Variants in KIF26B observed in about 807,000 individuals in gnomAD.
KIF26B encodes kinesin-like protein KIF26B.
In KIF26B, 63 loss-of-function variants were observed where a neutral mutation model predicts 151.2. That is an observed-to-expected ratio of 0.42 (90% CI 0.34 to 0.51). The LOEUF is 0.51. Ranked by LOEUF, KIF26B falls within the 20% of genes least tolerant of loss-of-function variation. The pLI, the probability that KIF26B is intolerant of heterozygous loss-of-function variation, is 0.07. For synonymous variants in KIF26B, 1,357 were observed against 1,262.1 expected (o/e 1.08, Z -1.59); for missense variants, 2,813 against 2,913.6 (o/e 0.97, Z 0.79).
chr1:245,658,626 A>C (rs553921831), intron 10 of KIF26B, among the ~76,000 whole-genome samples: 1 of 152,242 alleles, frequency 6.6e-6, no homozygotes, highest in Non-Finnish European at 1.5e-5. Flanking sequence ...TCCTGAGCTC[A>C]AGCAATCCTC....
intron 2 of KIF26B, among the ~76,000 whole-genome samples, chr1:245,229,093 A>G (rs1040492664): frequency 6.6e-6 from 1 of 151,998 alleles, no homozygotes; most frequent in Non-Finnish European, 1.5e-5. Context: ...CAGCCTCCCT[A>G]GTAGGTCAGA....
chr1:245,386,713 A>G (rs1465739472), intron 3 of KIF26B, among the ~76,000 whole-genome samples: 1 of 152,246 alleles, frequency 6.6e-6, no homozygotes, highest in Non-Finnish European at 1.5e-5. Context: ...AAGATATGCA[A>G]TGAACAACTT....
intron 2 of KIF26B, among the ~76,000 whole-genome samples, chr1:245,169,868 C>T (rs981737879): frequency 2.0e-5 from 3 of 152,108 alleles, no homozygotes; most frequent in Non-Finnish European, 4.4e-5. Flanking sequence ...CAGGGTCACC[C>T]AGAAAACCTC....
At chr1:245,486,659 C>T (rs1014875578) in intron 4 of KIF26B, among the ~76,000 whole-genome samples, 1 of 152,100 alleles carries the variant, frequency 6.6e-6, no homozygotes, top group Non-Finnish European at 1.5e-5. Flanking sequence ...ATTTATTTTA[C>T]ATTTTTTATT....
chr1:245,618,585 C>T (rs2043619895), intron 9 of KIF26B, among the ~76,000 whole-genome samples: 1 of 149,226 alleles, frequency 6.7e-6, no homozygotes. Flanking sequence ...TGAGCTTGTC[C>T]AAGCCCTATT....
At chr1:245,236,132 G>C (rs1396960756) in intron 2 of KIF26B, among the ~76,000 whole-genome samples, 1 of 152,086 alleles carries the variant, frequency 6.6e-6, no homozygotes, top group African/African-American at 2.4e-5. Context: ...GTTTCACCAT[G>C]CTGGTCAGGC....
intron 2 of KIF26B, among the ~76,000 whole-genome samples, chr1:245,278,768 A>G (rs2102966742): frequency 6.6e-6 from 1 of 152,290 alleles, no homozygotes; most frequent in African/African-American, 2.4e-5. Context: ...TGGGCTCATT[A>G]GTTCCAGCCC....
intron 2 of KIF26B, among the ~76,000 whole-genome samples, chr1:245,350,162 G>T (rs778555364): frequency 3.3e-5 from 5 of 152,114 alleles, no homozygotes; most frequent in Admixed American, 6.6e-5. Flanking sequence ...GCCTGAGTCT[G>T]GGGTAGCTTA....
intron 2 of KIF26B, among the ~76,000 whole-genome samples, chr1:245,359,613 G>A (rs376245814): frequency 5.4e-4 from 82 of 151,520 alleles, no homozygotes; most frequent in Middle Eastern, 3.4e-3. Flanking sequence ...GGAACTCCAG[G>A]AACCCAGTAT....
At chr1:245,589,044 G>A (rs1483129079) in intron 5 of KIF26B, among the ~76,000 whole-genome samples, 2 of 152,172 alleles carry the variant, frequency 1.3e-5, no homozygotes, top group Non-Finnish European at 2.9e-5. Flanking sequence ...AGCGTTTGGT[G>A]CAGTGATCCA....
intron 9 of KIF26B, among the ~76,000 whole-genome samples, chr1:245,614,243 C>T (rs884160): frequency 0.024 from 3,705 of 152,230 alleles, 156 homozygotes; most frequent in African/African-American, 0.084. Flanking sequence ...GGCGTGATCT[C>T]GGCTCACTGC....
intron 2 of KIF26B, among the ~76,000 whole-genome samples, chr1:245,362,480 G>C (rs1442426874): frequency 1.3e-5 from 2 of 151,376 alleles, no homozygotes; most frequent in Non-Finnish European, 2.9e-5. Flanking sequence ...GGAGGTTGCA[G>C]TGAGCCGAGA....
At chr1:245,225,748 C>T (rs947915778) in intron 2 of KIF26B, among the ~76,000 whole-genome samples, 6 of 152,268 alleles carry the variant, frequency 3.9e-5, no homozygotes, top group African/African-American at 1.4e-4. Flanking sequence ...AGTTTATTTA[C>T]CCTTAGCAAA....
intron 3 of KIF26B, among the ~76,000 whole-genome samples, chr1:245,406,460 C>A (rs909011302): frequency 6.6e-6 from 1 of 152,100 alleles, no homozygotes; most frequent in African/African-American, 2.4e-5. Context: ...CAAGCATTAG[C>A]CAAGACTTAG....
chr1:245,251,001 C>T (rs1181035022), intron 2 of KIF26B, among the ~76,000 whole-genome samples: 2 of 152,162 alleles, frequency 1.3e-5, no homozygotes, highest in Non-Finnish European at 2.9e-5. Flanking sequence ...GAGGAAACCA[C>T]GTGCAAGCTT....
Position 245,607,761 on chromosome 1 carries a change from CTT to C in KIF26B, c.1651+19_1651+20del. ...CCAAACTGGGTTCGTGAGAGTTTCA[CTT>C]TCTCATGCGGCTCGTTGAGCTCCCT... On this transcript the variant is annotated intron_variant, in intron 7 of 14. Coordinates refer to ENST00000407071, the MANE Select transcript of KIF26B (RefSeq NM_018012.4). The C allele has an allele frequency of 6.3e-7, 1 of 1,596,256 alleles. No homozygotes were observed. Among genetic ancestry groups the C allele is most frequent in the Non-Finnish European group, 8.6e-7 (1 of 1,167,988 alleles).
intron 2 of KIF26B, among the ~76,000 whole-genome samples, chr1:245,294,788 G>A (rs1270203968): frequency 2.6e-5 from 4 of 151,906 alleles, no homozygotes; most frequent in African/African-American, 7.3e-5. Flanking sequence ...TCAGCTTCCC[G>A]AGTAGCTGGG....
intron 2 of KIF26B, among the ~76,000 whole-genome samples, chr1:245,250,658 G>A (rs80343660): frequency 0.012 from 1,868 of 152,202 alleles, 44 homozygotes; most frequent in African/African-American, 0.041. Flanking sequence ...AGGATAAAAC[G>A]ATGTTTTCTT....
chr1:245,547,108 C>T (rs181584261), intron 5 of KIF26B, among the ~76,000 whole-genome samples: 11 of 152,352 alleles, frequency 7.2e-5, no homozygotes, highest in African/African-American at 2.6e-4. Flanking sequence ...GCGCAGGTGG[C>T]GCTGCCAGAA....
Sources: allele counts gnomAD v4.1 joint callset (sites outside exome capture counted in the v4.1 genomes callset), GRCh38; gene constraint gnomAD v4.1.1; transcripts MANE v1.5; gene names NCBI Gene and HGNC (gene_info 2026-07-23, HGNC 2026-07-21).